Variants in HOXA1 observed in about 807,000 individuals in gnomAD.
HOXA1 encodes homeobox protein Hox-A1.
A neutral mutation model predicts 28.3 loss-of-function variants in HOXA1; 21 were observed. The observed-to-expected ratio is 0.74, with a 90% CI of 0.53 to 1.07. The LOEUF (loss-of-function observed/expected upper bound fraction) is 1.07. HOXA1 is among the 50% of genes least tolerant of loss of function. HOXA1 has a pLI of 0.00. For synonymous variants in HOXA1, 208 were observed against 181.2 expected, an observed-to-expected ratio of 1.15 and a Z score of -1.19; for missense variants, 446 against 434.3, an observed-to-expected ratio of 1.03 and a Z score of -0.24.
intron 1 of HOXA1, among the ~76,000 whole-genome samples, chr7:27,095,043 C>A (rs1275774885): frequency 2.0e-5 from 3 of 152,150 alleles, no homozygotes; most frequent in African/African-American, 7.2e-5. Context: ...ACCACCCCCA[C>A]ATACTTCCTA....
Position 27,094,122 on chromosome 7 carries a change from G to T in HOXA1, c.*318C>A. 2.9e-6 allele frequency: 1 copy of T among 347,138 alleles called. No homozygotes were observed. Among genetic ancestry groups the T allele is most frequent in the Non-Finnish European group, 5.5e-6 (1 of 182,848 alleles). 21.5% of individuals were successfully genotyped at this position (347,138 alleles called of 1,614,324 possible). On this transcript the variant is annotated 3_prime_UTR_variant, in exon 2 of 2. Coordinates refer to ENST00000643460, the MANE Select transcript of HOXA1 (RefSeq NM_005522.5). ...AGATTCCTTCTGGCATGTTTCTGTT[G>T]GCAAAGGGAACTATTTTCCAAAAGG... is the stretch of plus-strand genomic sequence containing the variant.
At chr7:27,094,871 T>C in intron 1 of HOXA1, 76 bp from the exon 2 acceptor site, 2 of 1,062,868 alleles carry the variant, frequency 1.9e-6, no homozygotes, top group South Asian at 1.3e-5. Flanking sequence ...ACACGCTTCA[T>C]GGCAACACTC....
chr7:27,095,957 C>T lies in HOXA1; in HGVS notation c.-45G>A, dbSNP rs1467493645. On this transcript the variant is annotated 5_prime_UTR_variant, in exon 1 of 2. Coordinates refer to ENST00000643460, the MANE Select transcript of HOXA1 (RefSeq NM_005522.5). ...TCCTGCGAAGCCCGGCGTGACTGTG[C>T]CAACTTTCTCACTTCCTCCATGGGG... The T allele has an allele frequency of 6.7e-7, 1 of 1,482,346 alleles. No individual in the cohort carries two copies. The highest frequency in any genetic ancestry group is 9.2e-7 in the Non-Finnish European group (1 of 1,082,732). The allele number at this position is 1,482,346 out of a possible 1,614,324, so 91.8% of individuals were successfully genotyped here.
At position 27,095,740 on chromosome 7, in the gene HOXA1, C is replaced by T. The variant is rs779608126; in HGVS notation, c.173G>A (p.Gly58Glu). Residue 58 changes from glycine to glutamate, a missense_variant, in exon 1 of 2, where the codon GGG (glycine) becomes GAG (glutamate). Coordinates refer to ENST00000643460, the MANE Select transcript of HOXA1 (RefSeq NM_005522.5). ...GTGGTGGGGCGAACCGATCTGCACCCCCCTGCCCACTAGGAAGCGGTCGTC... is the reference window on the plus strand; with the variant it reads ...GTGGTGGGGCGAACCGATCTGCACCTCCCTGCCCACTAGGAAGCGGTCGTC... ...GGDDRFLVGRGVQIGSPHHHH... is the reference protein window; with the variant it reads ...GGDDRFLVGREVQIGSPHHHH... The T allele has an allele frequency of 1.2e-6, 2 of 1,613,452 alleles. No homozygotes were observed. Among genetic ancestry groups the T allele is most frequent in the Non-Finnish European group, 1.7e-6 (2 of 1,179,710 alleles).
In HOXA1 at chr7:27,094,709, CCTT is replaced by C. The variant is rs780133703; in HGVS notation, c.736_738del (p.Lys246del). 1.9e-6 allele frequency: 3 copies of C among 1,614,068 alleles called. No homozygotes were observed. The highest frequency in any genetic ancestry group is 1.3e-5 in the African/African-American group (1 of 74,918). ...GTCAGGTACTTGTTGAAGTGGAACT[CCTT>C]CTCCAGTTCCGTGAGCTGCTTGGTA... On this transcript the variant is annotated inframe_deletion, in exon 2 of 2. Transcript: ENST00000643460.
rs1331410943 is a variant in HOXA1, at chr7:27,095,256, C to A, written c.652+5G>T. ...AAGGAGCATCCACCAACCAGCAGGA[C>A]TGACCTGTTTTGGGAGGGTTTCTTT... On this transcript the variant is annotated splice_donor_5th_base_variant and intron_variant, in intron 1 of 1. Transcript: ENST00000643460. The A allele has an allele frequency of 6.2e-7, 1 of 1,614,016 alleles. No individual in the cohort carries two copies. Among genetic ancestry groups the A allele is most frequent in the Non-Finnish European group, 8.5e-7 (1 of 1,179,926 alleles).
rs1034749835 is a variant in HOXA1 at position 27,094,662 on chromosome 7, G to T, written c.786C>A (p.Ile262=). The change falls in exon 2 of 2, where the codon ATC becomes ATA. Residue 262 remains isoleucine (I), a synonymous_variant. Transcript: ENST00000643460. ...KYLTRARRVE[I]AASLQLNETQ... Reference sequence around the variant, plus strand: ...TCTCGTTGAGCTGCAGGGATGCAGCGATCTCCACCCTGCGGGCGCGCGTCA... The same window carrying T: ...TCTCGTTGAGCTGCAGGGATGCAGCTATCTCCACCCTGCGGGCGCGCGTCA... 1.9e-6 allele frequency: 3 copies of T among 1,614,014 alleles called. No individual in the cohort carries two copies. Among genetic ancestry groups the T allele is most frequent in the Non-Finnish European group, 2.5e-6 (3 of 1,179,908 alleles).
rs552669601 is a variant in HOXA1, at chr7:27,094,790, C to T, written c.658G>A (p.Val220Ile). Residue 220 changes from valine (V) to isoleucine (I), a missense_variant, in exon 2 of 2, where the codon GTT (valine) becomes ATT (isoleucine). Val to Ile is a conservative substitution (Grantham distance 29). Transcript: ENST00000643460. ...VKRNPPKTGK[V>I]GEYGYLGQPN... is the part of the protein sequence containing the mutation. ...TGACCCAGGTAGCCGTACTCTCCAA[C>T]TTTCCCTGGGGCAAAGTGGGAAGCC... is the stretch of plus-strand genomic sequence containing the variant. The T allele has an allele frequency of 6.8e-6, 11 of 1,613,704 alleles. No homozygotes were observed. The African/African-American group carries it at 1.1e-4, about 16-fold the overall frequency.
rs755681153 is a variant in HOXA1, at chr7:27,094,546, G to A, written c.902C>T (p.Pro301Leu). Residue 301 changes from proline (P) to leucine (L), a missense_variant, in exon 2 of 2, where the codon CCA becomes CTA. Transcript: ENST00000643460. The part of the protein sequence containing the change: ...GLLPISPATP[P>L]GNDEKAEESS... ...TTCCTCGGCCTTCTCGTCGTTTCCT[G>A]GCGGGGTGGCCGGAGAGATGGGCAA... 11 of 1,614,124 alleles carry A rather than the reference G, an allele frequency of 6.8e-6. No individual in the cohort carries two copies. The highest frequency in any genetic ancestry group is 9.3e-6 in the Non-Finnish European group (11 of 1,180,052).
Position 27,095,577 on chromosome 7 carries a change from C to T in HOXA1, c.336G>A (p.Ala112=), listed in dbSNP as rs111580588. 1.2e-5 allele frequency: 19 copies of T among 1,614,024 alleles called. No individual in the cohort carries two copies. Among genetic ancestry groups the T allele is most frequent in the Non-Finnish European group, 1.5e-5 (18 of 1,180,052 alleles). The change falls in exon 1 of 2, where the codon GCG becomes GCA. Residue 112 remains alanine (A), a synonymous_variant. Coordinates refer to ENST00000643460, the MANE Select transcript of HOXA1 (RefSeq NM_005522.5). ...QNFSAPYSPY[A]LNQEADVSGG... Reference sequence around the variant, plus strand: ...CACTTACGTCTGCTTCCTGATTTAACGCGTAGGGGCTGTAAGGCGCACTGA... The same window carrying T: ...CACTTACGTCTGCTTCCTGATTTAATGCGTAGGGGCTGTAAGGCGCACTGA...
Position 27,095,750 on chromosome 7 carries a change from C to T in HOXA1, c.163G>A (p.Val55Met), listed in dbSNP as rs1416135459. The stretch of plus-strand genomic sequence containing the variant: ...GAACCGATCTGCACCCCCCTGCCCA[C>T]TAGGAAGCGGTCGTCGCCGCCGCAA... ...NSCGGDDRFL[V>M]GRGVQIGSPH... Residue 55 changes from valine (V) to methionine (M), a missense_variant, in exon 1 of 2, where the codon GTG becomes ATG. Val to Met is a conservative substitution (Grantham distance 21). Coordinates refer to ENST00000643460, the MANE Select transcript of HOXA1 (RefSeq NM_005522.5). 2 of 1,613,078 alleles carry T rather than the reference C, an allele frequency of 1.2e-6. No individual in the cohort carries two copies. The highest frequency in any genetic ancestry group is 1.3e-5 in the African/African-American group (1 of 74,878).
At position 27,095,850 on chromosome 7, in the gene HOXA1, C is replaced by A. The variant is rs1331715096; in HGVS notation, c.63G>T (p.Gly21=). The change falls in exon 1 of 2, where the codon GGG becomes GGT. Residue 21 remains glycine, a synonymous_variant. Transcript: ENST00000643460. ...AGGGGTAGGCTCGGGCTGAGCAGGT[C>A]CCCGAGTCGCCACTGCTAAGTATGG... is the stretch of plus-strand genomic sequence containing the variant. ...EYPILSSGDS[G]TCSARAYPSD... The A allele has an allele frequency of 1.2e-6, 2 of 1,613,730 alleles. No individual in the cohort carries two copies. Among genetic ancestry groups the A allele is most frequent in the Non-Finnish European group, 1.7e-6 (2 of 1,179,912 alleles).
In HOXA1 at chr7:27,095,879, A is replaced by G; in HGVS notation, c.34T>C (p.Tyr12His). 1 of 1,613,784 alleles carries G rather than the reference A, an allele frequency of 6.2e-7. No individual in the cohort carries two copies. The highest frequency in any genetic ancestry group is 1.1e-5 in the South Asian group (1 of 91,086). ...DNARMNSFLE[Y>H]PILSSGDSGT... is the part of the protein sequence containing the mutation. The stretch of plus-strand genomic sequence containing the variant: ...GAGTCGCCACTGCTAAGTATGGGGT[A>G]TTCCAGGAAGGAGTTCATTCTTGCA... Residue 12 changes from tyrosine to histidine, a missense_variant, in exon 1 of 2, where the codon TAC becomes CAC. Coordinates refer to ENST00000643460, the MANE Select transcript of HOXA1 (RefSeq NM_005522.5).
rs778487133 is a variant in HOXA1, at chr7:27,095,760, G to T, written c.153C>A (p.Asp51Glu). ...GCACCCCCCTGCCCACTAGGAAGCG[G>T]TCGTCGCCGCCGCAACTGTTGGCGC... Reference protein sequence around the residue: ...AVSANSCGGDDRFLVGRGVQI... With the variant: ...AVSANSCGGDERFLVGRGVQI... Residue 51 changes from aspartate to glutamate, a missense_variant, in exon 1 of 2, where the codon GAC becomes GAA. Physicochemically the swap from Asp to Glu is conservative, Grantham distance 45. Coordinates refer to ENST00000643460, the MANE Select transcript of HOXA1 (RefSeq NM_005522.5). 2 of 1,613,096 alleles carry T rather than the reference G, an allele frequency of 1.2e-6. No homozygotes were observed. The highest frequency in any genetic ancestry group is 1.7e-6 in the Non-Finnish European group (2 of 1,179,458).
In HOXA1 at chr7:27,095,651, C is replaced by A. The variant is rs761162491; in HGVS notation, c.262G>T (p.Val88Leu). ...ATYQTSGNLG[V>L]SYSHSSCGPS... ...CCACAACTTGAGTGGGAGTAGGACA[C>A]CCCCAGGTTCCCGGAAGTCTGGTAG... Residue 88 changes from valine to leucine, a missense_variant, in exon 1 of 2, where the codon GTG becomes TTG. By Grantham distance (32) the Val-to-Leu change is conservative. Coordinates refer to ENST00000643460, the MANE Select transcript of HOXA1 (RefSeq NM_005522.5). 2.5e-6 allele frequency: 4 copies of A among 1,613,960 alleles called. No homozygotes were observed. Among genetic ancestry groups the A allele is most frequent in the Non-Finnish European group, 3.4e-6 (4 of 1,180,022 alleles).
At position 27,095,700 on chromosome 7, in the gene HOXA1, G is replaced by GTGA. The variant is rs1562700008; in HGVS notation, c.212_213insTCA (p.His72dup). 2 of 1,207,118 alleles carry GTGA rather than the reference G, an allele frequency of 1.7e-6. No homozygotes were observed. 74.8% of individuals were successfully genotyped at this position (1,207,118 alleles called of 1,614,324 possible). A position where few individuals can be genotyped will look rare whatever the true frequency, so the allele number is the denominator to read the frequency against. Reference sequence around the variant, plus strand: ...AGGTAGCCGGCTGGGGGTGGCGATGGTGGTGGTGGTGGTGGTGGTGGGGCG... The same window carrying GTGA: ...AGGTAGCCGGCTGGGGGTGGCGATGGTGATGGTGGTGGTGGTGGTGGTGGGGCG... On this transcript the variant is annotated inframe_insertion, in exon 1 of 2. Coordinates refer to ENST00000643460, the MANE Select transcript of HOXA1 (RefSeq NM_005522.5).
Position 27,095,686 on chromosome 7 carries a change from T to C in HOXA1, c.227A>G (p.Gln76Arg). ...CCCGGAAGTCTGGTAGGTAGCCGGC[T>C]GGGGGTGGCGATGGTGGTGGTGGTG... is the stretch of plus-strand genomic sequence containing the variant. ...HHHHHHHRHP[Q>R]PATYQTSGNL... The change falls in exon 1 of 2, where the codon CAG becomes CGG. Residue 76 changes from glutamine to arginine, a missense_variant. Gln to Arg is a conservative substitution (Grantham distance 43). Transcript: ENST00000643460. The C allele has an allele frequency of 1.2e-6, 2 of 1,611,494 alleles. No individual in the cohort carries two copies. The highest frequency in any genetic ancestry group is 1.7e-6 in the Non-Finnish European group (2 of 1,178,890).
In HOXA1 at chr7:27,093,698, G is replaced by C. The variant is rs530252410; in HGVS notation, c.*742C>G. 1.3e-5 allele frequency: 2 copies of C among 152,604 alleles called. No individual in the cohort carries two copies. The highest frequency in any genetic ancestry group is 6.5e-5 in the Admixed American group (1 of 15,302). The allele number at this position is 152,604 out of a possible 1,614,324, so 9.5% of individuals were successfully genotyped here. On this transcript the variant is annotated 3_prime_UTR_variant, in exon 2 of 2. Transcript: ENST00000643460. The stretch of plus-strand genomic sequence containing the variant: ...GAAGAAAGGGGTAGAGATTGGGAAA[G>C]ACTTAGCACAGGAAGCCGGGTTTCT...
In HOXA1 at chr7:27,095,632, C is replaced by G; in HGVS notation, c.281G>C (p.Ser94Thr). ...CTGTGAGCCATAGCTTGGACCACAA[C>G]TTGAGTGGGAGTAGGACACCCCCAG... ...GNLGVSYSHS[S>T]CGPSYGSQNF... The change falls in exon 1 of 2, where the codon AGT becomes ACT. Residue 94 changes from serine to threonine, a missense_variant. By Grantham distance (58) the Ser-to-Thr change is moderately conservative. Coordinates refer to ENST00000643460, the MANE Select transcript of HOXA1 (RefSeq NM_005522.5). 3.7e-6 allele frequency: 6 copies of G among 1,614,096 alleles called. No homozygotes were observed. The highest frequency in any genetic ancestry group is 5.1e-6 in the Non-Finnish European group (6 of 1,180,026).
Sources: allele counts gnomAD v4.1 joint callset (sites outside exome capture counted in the v4.1 genomes callset), GRCh38; gene constraint gnomAD v4.1.1; transcripts MANE v1.5; gene names NCBI Gene and HGNC (gene_info 2026-07-23, HGNC 2026-07-21).